Variants in PSD3 observed in about 807,000 individuals in gnomAD.
PSD3 encodes the protein pleckstrin and Sec7 domain containing 3.
PSD3 carries 49 observed loss-of-function variants against 105.5 expected under a neutral mutation model. That is an observed-to-expected ratio of 0.46 (90% CI 0.37 to 0.59). The LOEUF is 0.59. Ranked by LOEUF, PSD3 falls within the 20% of genes least tolerant of loss-of-function variation. PSD3 has a pLI of 0.00. For synonymous variants in PSD3, 557 were observed against 457.8 expected (o/e 1.22, Z -2.77); for missense variants, 1,561 against 1,263.8 (o/e 1.24, Z -3.57).
rs980252565 is a variant in PSD3 at position 18,534,090 on chromosome 8, A to T, written c.*1653T>A. On this transcript the variant is annotated 3_prime_UTR_variant, in exon 16 of 16. Coordinates refer to ENST00000327040, the MANE Select transcript of PSD3 (RefSeq NM_015310.4). ...AAATGCTAGTACATCATAATAACAT[A>T]CCACTTAGACACTACCATGGCTTTA... is the stretch of plus-strand genomic sequence containing the variant. The T allele has an allele frequency of 8.6e-4, 131 of 152,206 alleles. No individual in the cohort carries two copies. Among genetic ancestry groups the T allele is most frequent in the African/African-American group, 3.1e-3 (130 of 41,468 alleles). 9.4% of individuals were successfully genotyped at this position (152,206 alleles called of 1,614,324 possible). A position where few individuals can be genotyped will look rare whatever the true frequency, so the allele number is the denominator to read the frequency against.
intron 2 of PSD3, among the ~76,000 whole-genome samples, chr8:18,894,509 T>C (rs1029311225): frequency 6.6e-6 from 1 of 152,216 alleles, no homozygotes; most frequent in Non-Finnish European, 1.5e-5. Context: ...AAGCAAAAGA[T>C]GTCAGTAATT....
intron 15 of PSD3, among the ~76,000 whole-genome samples, chr8:18,548,255 T>C (rs1160704036): frequency 6.6e-6 from 1 of 152,210 alleles, no homozygotes; most frequent in African/African-American, 2.4e-5. Context: ...CTTTGTATTC[T>C]GTGGCCTACT....
At chr8:18,886,059 T>A (rs1818431903) in intron 2 of PSD3, among the ~76,000 whole-genome samples, 1 of 152,196 alleles carries the variant, frequency 6.6e-6, no homozygotes, top group Admixed American at 6.5e-5. Context: ...CCTATTCCCA[T>A]CCAGCACTAC....
At chr8:18,938,871 C>T (rs1216811129) in intron 1 of PSD3, among the ~76,000 whole-genome samples, 1 of 152,032 alleles carries the variant, frequency 6.6e-6, no homozygotes, top group African/African-American at 2.4e-5. Flanking sequence ...CCGAGCAGTC[C>T]AAATCTAGAA....
intron 2 of PSD3, among the ~76,000 whole-genome samples, chr8:18,888,903 G>T (rs1383700123): frequency 1.3e-5 from 2 of 152,110 alleles, no homozygotes; most frequent in Non-Finnish European, 2.9e-5. Flanking sequence ...AGAAGATGGA[G>T]CTGGAAGTGA....
At chr8:18,942,315 C>T (rs1234349666) in intron 1 of PSD3, among the ~76,000 whole-genome samples, 2 of 152,200 alleles carry the variant, frequency 1.3e-5, no homozygotes, top group African/African-American at 2.4e-5. Context: ...TTGGTTCCAA[C>T]AGTCACACTC....
At chr8:18,940,992 T>C (rs1206561415) in intron 1 of PSD3, among the ~76,000 whole-genome samples, 1 of 152,194 alleles carries the variant, frequency 6.6e-6, no homozygotes, top group African/African-American at 2.4e-5. Flanking sequence ...TGAGCCCCTA[T>C]TGATACATCC....
chr8:19,033,703 T>G (rs76160325), intron 1 of PSD3, among the ~76,000 whole-genome samples: 3,540 of 152,126 alleles, frequency 0.023, 133 homozygotes, highest in African/African-American at 0.08. Flanking sequence ...TCATACCCAA[T>G]TATCTTAGTG....
chr8:18,619,243 CTTCCTT>C (rs142468080), intron 11 of PSD3, among the ~76,000 whole-genome samples: 203 of 152,232 alleles, frequency 1.3e-3, no homozygotes, highest in African/African-American at 4.6e-3. Context: ...CTTATATCCA[CTTCCTT>C]TTCAAGTTCA....
intron 9 of PSD3, among the ~76,000 whole-genome samples, chr8:18,754,148 C>T (rs1486570396): frequency 1.3e-5 from 2 of 152,134 alleles, no homozygotes; most frequent in African/African-American, 4.8e-5. Flanking sequence ...CTTTGGGAAG[C>T]CGAGGTGGGT....
chr8:18,679,527 C>T (rs1800265618), intron 9 of PSD3, among the ~76,000 whole-genome samples: 2 of 152,206 alleles, frequency 1.3e-5, no homozygotes, highest in South Asian at 2.1e-4. Context: ...TTAAATCTAG[C>T]TCAGTCTTTA....
At chr8:19,003,542 T>TC (rs1396015869) in intron 1 of PSD3, among the ~76,000 whole-genome samples, 1 of 151,946 alleles carries the variant, frequency 6.6e-6, no homozygotes, top group Non-Finnish European at 1.5e-5. Context: ...TGCCCTTTTC[T>TC]CCCCATTGAG....
chr8:18,677,721 G>C (rs915295773), intron 9 of PSD3, among the ~76,000 whole-genome samples: 4 of 152,248 alleles, frequency 2.6e-5, no homozygotes, highest in South Asian at 4.2e-4. Context: ...TAAAACATTA[G>C]AACATGTTGA....
intron 4 of PSD3, among the ~76,000 whole-genome samples, chr8:18,813,562 T>G (rs978993629): frequency 3.3e-5 from 5 of 152,196 alleles, no homozygotes; most frequent in Non-Finnish European, 1.5e-5. Flanking sequence ...ACAGAAGAAT[T>G]CAGGGGTCTC....
chr8:18,944,870 T>C (rs1267268846), intron 1 of PSD3, among the ~76,000 whole-genome samples: 1 of 152,242 alleles, frequency 6.6e-6, no homozygotes, highest in East Asian at 1.9e-4. Context: ...TCTGAGCATT[T>C]ATTTACTTTC....
intron 1 of PSD3, among the ~76,000 whole-genome samples, chr8:19,040,161 G>A (rs904727446): frequency 2.0e-4 from 31 of 152,148 alleles, no homozygotes; most frequent in Non-Finnish European, 4.0e-4. Flanking sequence ...CAGGACCCTA[G>A]GCCTCAGAGG....
chr8:18,699,203 G>C (rs1363468764), intron 9 of PSD3, among the ~76,000 whole-genome samples: 1 of 152,140 alleles, frequency 6.6e-6, no homozygotes, highest in Admixed American at 6.5e-5. Flanking sequence ...CTTTTTAAGA[G>C]CCACTACTCA....
At chr8:18,971,468 C>T (rs1824648001) in intron 1 of PSD3, among the ~76,000 whole-genome samples, 1 of 152,164 alleles carries the variant, frequency 6.6e-6, no homozygotes, top group African/African-American at 2.4e-5. Context: ...CAAACAGAAC[C>T]ACTCTCCTGA....
chr8:18,863,139 G>C (rs910295783), intron 4 of PSD3, among the ~76,000 whole-genome samples: 1 of 152,162 alleles, frequency 6.6e-6, no homozygotes, highest in African/African-American at 2.4e-5. Context: ...AGAAGTTCCT[G>C]CCATGTCACG....
Sources: gnomAD v4.1 joint callset for allele counts (sites outside exome capture counted in the v4.1 genomes callset) on GRCh38, gnomAD v4.1.1 for gene constraint, MANE v1.5 for transcripts, NCBI Gene and HGNC (gene_info 2026-07-23, HGNC 2026-07-21) for gene names.